The following RNF130 variants were observed in gnomAD, a reference collection of about 807,000 sequenced individuals.
The protein encoded by RNF130 is ring finger protein 130, also known as E3 ubiquitin-protein ligase RNF130.
RNF130 carries 21 observed loss-of-function variants against 44.6 expected under a neutral mutation model. That is an observed-to-expected ratio of 0.47 (90% CI 0.33 to 0.68). The LOEUF is 0.68. Among genes scored for constraint, RNF130 ranks in the 30% least tolerant of loss-of-function variants. RNF130 has a pLI of 0.02. For synonymous variants in RNF130, 214 were observed against 210.4 expected (o/e 1.02, Z -0.15); for missense variants, 479 against 560.6 (o/e 0.85, Z 1.47).
At chr5:180,060,994 C>CG (rs1217060982) in intron 1 of RNF130, among the ~76,000 whole-genome samples, 9 of 124,328 alleles carry the variant, frequency 7.2e-5, no homozygotes, top group African/African-American at 1.9e-4. Flanking sequence ...GCGTGAACCC[C>CG]GGGGGGGCGG....
chr5:180,006,735 A>G (rs1176716256), intron 3 of RNF130, among the ~76,000 whole-genome samples: 1 of 152,232 alleles, frequency 6.6e-6, no homozygotes, highest in Admixed American at 6.5e-5. Context: ...TGCAATATTA[A>G]CCATGTAACT....
chr5:179,987,530 G>A (rs772513583), intron 3 of RNF130, among the ~76,000 whole-genome samples: 1 of 152,208 alleles, frequency 6.6e-6, no homozygotes, highest in Non-Finnish European at 1.5e-5. Context: ...TGGAACAGAG[G>A]GGGTGGTAGG....
intron 3 of RNF130, among the ~76,000 whole-genome samples, chr5:179,984,918 C>T (rs1432790054): frequency 4.6e-5 from 7 of 152,042 alleles, no homozygotes; most frequent in East Asian, 1.9e-4. Flanking sequence ...TATGCTCAAA[C>T]GGTAAGTATA....
chr5:179,920,559 T>TAG (rs1300279642), intron 7 of RNF130: 14 of 585,880 alleles, frequency 2.4e-5, no homozygotes, highest in Admixed American at 2.2e-4. Flanking sequence ...GGGCTCTTAT[T>TAG]AGAGAGATAC....
At chr5:179,971,788 T>A (rs1323973160) in intron 5 of RNF130, among the ~76,000 whole-genome samples, 2 of 152,260 alleles carry the variant, frequency 1.3e-5, no homozygotes, top group Non-Finnish European at 2.9e-5. Context: ...CAGTTTTGAT[T>A]TATAAAAAGA....
chr5:180,058,001 T>C (rs985011257), intron 1 of RNF130, among the ~76,000 whole-genome samples: 2 of 152,186 alleles, frequency 1.3e-5, no homozygotes, highest in African/African-American at 2.4e-5. Flanking sequence ...GTGTCAGAAT[T>C]GAATTAAACT....
chr5:179,912,358 C>T (rs887750810), exon 8 of RNF130: 3 of 152,254 alleles, frequency 2.0e-5, no homozygotes, highest in African/African-American at 7.2e-5. Context: ...AATCTCATTT[C>T]CTAGCTTGGA....
chr5:179,998,980 T>A (rs1763270799), intron 3 of RNF130, among the ~76,000 whole-genome samples: 1 of 149,898 alleles, frequency 6.7e-6, no homozygotes, highest in Non-Finnish European at 1.5e-5. Context: ...TATATTATGA[T>A]CTTCTTTGTC....
chr5:180,008,966 A>T (rs188231288), intron 3 of RNF130, among the ~76,000 whole-genome samples: 2 of 152,318 alleles, frequency 1.3e-5, no homozygotes, highest in African/African-American at 2.4e-5. Flanking sequence ...GTAAAAGAAG[A>T]AGTCTCAAAA....
At chr5:179,941,867 C>A (rs562569112) in intron 7 of RNF130, among the ~76,000 whole-genome samples, 1 of 152,026 alleles carries the variant, frequency 6.6e-6, no homozygotes. Context: ...CTTAATGAGG[C>A]TTAATAGAAT....
chr5:179,923,374 C>G (rs900226493), intron 7 of RNF130, among the ~76,000 whole-genome samples: 2 of 152,184 alleles, frequency 1.3e-5, no homozygotes, highest in African/African-American at 4.8e-5. Flanking sequence ...TATTTCTGGG[C>G]ACTATTCTGT....
chr5:179,996,565 A>G (rs571117211), intron 3 of RNF130, among the ~76,000 whole-genome samples: 152 of 152,328 alleles, frequency 1.0e-3, no homozygotes, highest in Non-Finnish European at 1.7e-3. Flanking sequence ...ATCTACTGGC[A>G]TTACCACATG....
chr5:179,925,567 C>A (rs561062783), intron 7 of RNF130, among the ~76,000 whole-genome samples: 1 of 152,132 alleles, frequency 6.6e-6, no homozygotes, highest in East Asian at 1.9e-4. Context: ...CACTCTGTTG[C>A]CCAAGCTGGA....
At chr5:180,023,989 C>CA (rs1763931593) in intron 2 of RNF130, among the ~76,000 whole-genome samples, 1 of 152,166 alleles carries the variant, frequency 6.6e-6, no homozygotes, top group Non-Finnish European at 1.5e-5. Flanking sequence ...CTTGGTATGA[C>CA]AGGATGCATG....
At chr5:180,055,204 G>A (rs949765180) in intron 1 of RNF130, among the ~76,000 whole-genome samples, 2 of 118,976 alleles carry the variant, frequency 1.7e-5, no homozygotes, top group African/African-American at 3.3e-5. Context: ...CCCTGAGATC[G>A]AGCCACTATA....
intron 7 of RNF130, among the ~76,000 whole-genome samples, chr5:179,931,751 G>A (rs1042410592): frequency 6.7e-6 from 1 of 148,550 alleles, no homozygotes; most frequent in African/African-American, 2.5e-5. Flanking sequence ...CTCCAGCCTG[G>A]GCGACAGAGC....
chr5:179,924,204 TA>T (rs1189389376), intron 7 of RNF130, among the ~76,000 whole-genome samples: 1 of 151,516 alleles, frequency 6.6e-6, no homozygotes, highest in Non-Finnish European at 1.5e-5. Context: ...TTTTAATAAA[TA>T]AAAATTACTG....
intron 3 of RNF130, among the ~76,000 whole-genome samples, chr5:179,983,247 C>T (rs567481674): frequency 2.0e-5 from 3 of 151,776 alleles, no homozygotes; most frequent in East Asian, 3.9e-4. Flanking sequence ...AAGACTTCCC[C>T]GTTTTCTCTT....
intron 2 of RNF130, among the ~76,000 whole-genome samples, chr5:180,022,621 C>T (rs1398509621): frequency 1.3e-5 from 2 of 152,200 alleles, no homozygotes; most frequent in East Asian, 3.9e-4. Flanking sequence ...CATCAATGTA[C>T]ACGGAGCTCA....
Sources: allele counts gnomAD v4.1 joint callset (sites outside exome capture counted in the v4.1 genomes callset), GRCh38; gene constraint gnomAD v4.1.1; transcripts MANE v1.5; gene names NCBI Gene and HGNC (gene_info 2026-07-23, HGNC 2026-07-21).